Variants in SLC39A10 observed in about 807,000 individuals in gnomAD.
The protein encoded by SLC39A10 is solute carrier family 39 member 10, also known as zinc transporter ZIP10.
A neutral mutation model predicts 65.1 loss-of-function variants in SLC39A10; 13 were observed. The ratio of observed to expected loss-of-function variants is 0.20; its 90% CI spans 0.13 to 0.32. SLC39A10 has a LOEUF of 0.32. Ranked by LOEUF, SLC39A10 falls within the 10% of genes least tolerant of loss-of-function variation. The pLI is 1.00. For missense variants in SLC39A10, 831 were observed against 1,018.4 expected (o/e 0.82, Z 2.50); for synonymous variants, 321 against 342.2 (o/e 0.94, Z 0.68).
At chr2:195,687,975 A>G (rs76986601) in intron 3 of SLC39A10, among the ~76,000 whole-genome samples, 4,786 of 152,326 alleles carry the variant, frequency 0.031, 90 homozygotes, top group Middle Eastern at 0.054. Flanking sequence ...GAAAGTTTCC[A>G]CAGATGAGCG....
At chr2:195,665,642 C>CA (rs1689606530) in intron 1 of SLC39A10, among the ~76,000 whole-genome samples, 2 of 152,068 alleles carry the variant, frequency 1.3e-5, no homozygotes, top group Admixed American at 6.5e-5. Context: ...TTTAAAGAAT[C>CA]AAATAGTTGT....
chr2:195,713,995 C>T (rs879855577), intron 6 of SLC39A10, among the ~76,000 whole-genome samples: 6 of 151,916 alleles, frequency 3.9e-5, no homozygotes, highest in Admixed American at 1.3e-4. Context: ...AGCGCCATCT[C>T]GGCTTACTGC....
intron 9 of SLC39A10, among the ~76,000 whole-genome samples, chr2:195,732,817 A>T (rs13006775): frequency 1.3e-5 from 2 of 152,154 alleles, no homozygotes; most frequent in African/African-American, 4.8e-5. Flanking sequence ...GGTTCCTGGG[A>T]CAGCGCCTCT....
Position 195,735,342 on chromosome 2 carries a change from T to C in SLC39A10, c.*301T>C, listed in dbSNP as rs1692556646. On this transcript the variant is annotated 3_prime_UTR_variant, in exon 10 of 10. Coordinates refer to ENST00000359634, the MANE Select transcript of SLC39A10 (RefSeq NM_020342.3). ...TCATATAAAACACTAGTCTCTTTATTAGTAGAAACTTCTGTGGCTATGCAG... is the reference window on the plus strand; with the variant it reads ...TCATATAAAACACTAGTCTCTTTATCAGTAGAAACTTCTGTGGCTATGCAG... The C allele has an allele frequency of 5.0e-6, 1 of 200,880 alleles. No individual in the cohort carries two copies. Among genetic ancestry groups the C allele is most frequent in the Non-Finnish European group, 9.9e-6 (1 of 100,546 alleles). The allele number at this position is 200,880 out of a possible 1,614,324, so 12.4% of individuals were successfully genotyped here.
intron 2 of SLC39A10, among the ~76,000 whole-genome samples, chr2:195,614,436 C>T (rs1688164197): frequency 6.6e-6 from 1 of 152,118 alleles, no homozygotes; most frequent in South Asian, 2.1e-4. Flanking sequence ...GGATTCATTT[C>T]CAATATTCAA....
At chr2:195,624,395 GA>G (rs35636489) in intron 2 of SLC39A10, among the ~76,000 whole-genome samples, 1,261 of 65,958 alleles carry the variant, frequency 0.019, 15 homozygotes, top group African/African-American at 0.054. Flanking sequence ...CTCAAATAAG[GA>G]AAAAAAAAAA....
intron 1 of SLC39A10, chr2:195,670,255 G>A (rs1689804334): frequency 6.7e-6 from 1 of 150,246 alleles, no homozygotes; most frequent in Non-Finnish European, 1.5e-5. Flanking sequence ...GACAAAAATA[G>A]TATATATTTA....
At chr2:195,725,054 G>T (rs1225153652) in intron 8 of SLC39A10, among the ~76,000 whole-genome samples, 1 of 151,804 alleles carries the variant, frequency 6.6e-6, no homozygotes, top group Non-Finnish European at 1.5e-5. Context: ...AAATGGCGCT[G>T]TAACAATTGG....
At chr2:195,659,710 CA>C (rs1297344309) in intron 1 of SLC39A10, among the ~76,000 whole-genome samples, 2 of 152,144 alleles carry the variant, frequency 1.3e-5, no homozygotes, top group Non-Finnish European at 2.9e-5. Context: ...ACTTCAAGTA[CA>C]AAAACCCTAC....
intron 1 of SLC39A10, among the ~76,000 whole-genome samples, chr2:195,662,961 C>T (rs1689465584): frequency 6.6e-6 from 1 of 152,100 alleles, no homozygotes; most frequent in Non-Finnish European, 1.5e-5. Context: ...TGTCTCTTTC[C>T]GCTTTCCATT....
intron 4 of SLC39A10, among the ~76,000 whole-genome samples, chr2:195,708,044 C>T (rs1227836477): frequency 1.3e-5 from 2 of 152,020 alleles, no homozygotes; most frequent in African/African-American, 4.8e-5. Context: ...TTTAAGGATA[C>T]CCTCTTGCTA....
At chr2:195,690,344 A>ATCTC (rs377318068) in intron 3 of SLC39A10, among the ~76,000 whole-genome samples, 1 of 150,280 alleles carries the variant, frequency 6.7e-6, no homozygotes, top group East Asian at 1.9e-4. Flanking sequence ...GAACATGGGC[A>ATCTC]TCTCTCTCTC....
chr2:195,675,839 G>A (rs1318859116), intron 1 of SLC39A10, among the ~76,000 whole-genome samples: 1 of 152,136 alleles, frequency 6.6e-6, no homozygotes, highest in African/African-American at 2.4e-5. Flanking sequence ...TAAATGTCAA[G>A]TTGCTTTCCA....
At chr2:195,687,800 A>G (rs1191681734) in intron 3 of SLC39A10, among the ~76,000 whole-genome samples, 2 of 152,230 alleles carry the variant, frequency 1.3e-5, no homozygotes, top group African/African-American at 2.4e-5. Context: ...TGTGTATGGT[A>G]GAAATCGTTT....
At chr2:195,619,860 T>G (rs1688314068) in intron 2 of SLC39A10, among the ~76,000 whole-genome samples, 2 of 152,182 alleles carry the variant, frequency 1.3e-5, no homozygotes. Flanking sequence ...TATGTCCAAG[T>G]GTGGCCTCCA....
intron 1 of SLC39A10, among the ~76,000 whole-genome samples, chr2:195,663,228 T>G (rs1689476804): frequency 6.6e-6 from 1 of 152,166 alleles, no homozygotes; most frequent in African/African-American, 2.4e-5. Flanking sequence ...CCCTCCTATC[T>G]TCTCACTCCC....
intron 8 of SLC39A10, among the ~76,000 whole-genome samples, chr2:195,719,321 T>A (rs555712420): frequency 2.6e-5 from 4 of 152,300 alleles, no homozygotes; most frequent in African/African-American, 9.6e-5. Context: ...TCCATCCCGA[T>A]TACGATGAGT....
intron 1 of SLC39A10, among the ~76,000 whole-genome samples, chr2:195,658,915 G>A (rs2105725124): frequency 6.6e-6 from 1 of 152,264 alleles, no homozygotes; most frequent in Middle Eastern, 3.4e-3. Flanking sequence ...GGTTTTAAAT[G>A]TATGAAATAC....
At chr2:195,681,458 G>C (rs1447138819) in intron 2 of SLC39A10, among the ~76,000 whole-genome samples, 1 of 152,112 alleles carries the variant, frequency 6.6e-6, no homozygotes, top group Admixed American at 6.5e-5. Flanking sequence ...CCGGGAGGCA[G>C]AGGTTGCAGT....
Sources: allele counts gnomAD v4.1 joint callset (sites outside exome capture counted in the v4.1 genomes callset), GRCh38; gene constraint gnomAD v4.1.1; transcripts MANE v1.5; gene names NCBI Gene and HGNC (gene_info 2026-07-23, HGNC 2026-07-21).